Variants in DENND4B observed in about 807,000 individuals in gnomAD.
DENND4B encodes the protein DENN domain containing 4B.
A neutral mutation model predicts 161.0 loss-of-function variants in DENND4B; 67 were observed. That is an observed-to-expected ratio of 0.42 (90% CI 0.34 to 0.51). The LOEUF is 0.51. DENND4B is among the 20% of genes least tolerant of loss of function. The probability of loss-of-function intolerance (pLI) is 0.08; values close to 1 mark genes in which losing one functional copy is unlikely to be tolerated. For missense variants in DENND4B, 1,481 were observed against 1,968.0 expected (o/e 0.75, Z 4.68); for synonymous variants, 753 against 813.8 (o/e 0.93, Z 1.27).
Position 153,934,123 on chromosome 1 carries a change from A to G in DENND4B, c.2941+12T>C, listed in dbSNP as rs569224211. 7.8e-6 allele frequency: 12 copies of G among 1,547,922 alleles called. No homozygotes were observed. In the East Asian group the frequency reaches 1.6e-4, roughly 21 times the overall value. Reference sequence around the variant, plus strand: ...GACTGGGGGAGTGAGGGAGCCAGACAAGGGCACTCACTGTGGGCCACACCG... The same window carrying G: ...GACTGGGGGAGTGAGGGAGCCAGACGAGGGCACTCACTGTGGGCCACACCG... On this transcript the variant is annotated intron_variant, in intron 19 of 27. Coordinates refer to ENST00000361217, the MANE Select transcript of DENND4B (RefSeq NM_014856.3). This position sits in a 1 kb window ranked among gnomAD's most constrained non-coding sequence, Gnocchi z 5.3.
At position 153,934,608 on chromosome 1, in the gene DENND4B, AT is replaced by A; in HGVS notation, c.2773+151del. On this transcript the variant is annotated intron_variant, in intron 18 of 27. Transcript: ENST00000361217. This position sits in a 1 kb window ranked among gnomAD's most constrained non-coding sequence, Gnocchi z 5.3. ...AGGTGCGCGCCACCACGCCCAGCTA[AT>A]TTTTTTATCCCTTTTGTTACCAGTC... The A allele has an allele frequency of 2.9e-6, 4 of 1,369,380 alleles. No homozygotes were observed. Among genetic ancestry groups the A allele is most frequent in the Non-Finnish European group, 1.9e-6 (2 of 1,027,666 alleles). The allele number at this position is 1,369,380 out of a possible 1,614,324, so 84.8% of individuals were successfully genotyped here. A position where few individuals can be genotyped will look rare whatever the true frequency, so the allele number is the denominator to read the frequency against.
In DENND4B at chr1:153,936,772, A is replaced by G. The variant is rs1174688766; in HGVS notation, c.2233-24T>C. 1.3e-6 allele frequency: 2 copies of G among 1,535,532 alleles called. No homozygotes were observed. The highest frequency in any genetic ancestry group is 1.8e-6 in the Non-Finnish European group (2 of 1,138,412). Reference sequence around the variant, plus strand: ...TCCTAGGTAGGACAGGGGACACATCAGGGTGAGTACAATGCCAGGTCTTTC... The same window carrying G: ...TCCTAGGTAGGACAGGGGACACATCGGGGTGAGTACAATGCCAGGTCTTTC... On this transcript the variant is annotated intron_variant, in intron 15 of 27. Coordinates refer to ENST00000361217, the MANE Select transcript of DENND4B (RefSeq NM_014856.3). This position sits in a 1 kb window ranked among gnomAD's most constrained non-coding sequence, Gnocchi z 4.1.
chr1:153,934,817 GC>G lies in DENND4B; in HGVS notation c.2715del (p.Gln905HisfsTer44). ...QQQQQQQQQQ[Q>X]QQQQQEQVSA... ...GACACCTGCTCCTGCTGCTGCTGCT[GC>G]TGCTGCTGCTGTTGCTGCTGCTGCT... On this transcript the variant is annotated frameshift_variant, in exon 18 of 28. Transcript: ENST00000361217. LOFTEE classifies it high-confidence loss of function. The surrounding 1 kb of genome is among the most constrained non-coding windows in gnomAD (Gnocchi z 5.3). 6.4e-7 allele frequency: 1 copy of G among 1,558,972 alleles called. No individual in the cohort carries two copies.
At chr1:153,941,077 G>T in intron 8 of DENND4B, 29 bp from the exon 9 acceptor site, 1 of 1,554,394 alleles carries the variant, frequency 6.4e-7, no homozygotes, top group Non-Finnish European at 8.7e-7. Flanking sequence ...TGGGGAAAGG[G>T]TCACCAGGAT....
rs1338856030 is a variant in DENND4B, at chr1:153,941,907, G to A, written c.1017C>T (p.Arg339=). The stretch of plus-strand genomic sequence containing the variant: ...GGCGGTGGGGGCCTGAGACGGAGTA[G>A]CGGTAAAGGAAGGTGAGGAAGGCGC... The part of the protein sequence containing the change: ...AFRAFLTFLY[R]YSVSGPHRLP... The change falls in exon 6 of 28, where the codon CGC becomes CGT. Residue 339 remains arginine (R), a synonymous_variant. Transcript: ENST00000361217. 1 of 1,612,330 alleles carries A rather than the reference G, an allele frequency of 6.2e-7. No individual in the cohort carries two copies.
rs1384937861 is a variant in DENND4B at position 153,936,551 on chromosome 1, G to A, written c.2430C>T (p.Leu810=). The change falls in exon 16 of 28, where the codon CTC becomes CTT. Residue 810 remains leucine, a synonymous_variant. Coordinates refer to ENST00000361217, the MANE Select transcript of DENND4B (RefSeq NM_014856.3). This position sits in a 1 kb window ranked among gnomAD's most constrained non-coding sequence, Gnocchi z 4.1. The part of the protein sequence containing the change: ...LRQMESGKVV[L]PDEVCYRVLM... ...CACATAGATTGCCTACCTCATCAGG[G>A]AGCACCACCTTGCCGCTCTCCATCT... The A allele has an allele frequency of 6.3e-7, 1 of 1,597,820 alleles. No individual in the cohort carries two copies. Among genetic ancestry groups the A allele is most frequent in the Non-Finnish European group, 8.5e-7 (1 of 1,169,916 alleles).
Position 153,930,120 on chromosome 1 carries a change from A to C in DENND4B, c.*177T>G. 4 of 843,656 alleles carry C rather than the reference A, an allele frequency of 4.7e-6. No individual in the cohort carries two copies. The highest frequency in any genetic ancestry group is 7.1e-6 in the Non-Finnish European group (4 of 561,906). 52.3% of individuals were successfully genotyped at this position (843,656 alleles called of 1,614,324 possible). On this transcript the variant is annotated 3_prime_UTR_variant, in exon 28 of 28. Transcript: ENST00000361217. This position sits in a 1 kb window ranked among gnomAD's most constrained non-coding sequence, Gnocchi z 4.7. ...AACTGGGTAGGTTGGTGATGGGGGA[A>C]TCAGGACTTTTGGTAACAGTGGATC...
Position 153,942,415 on chromosome 1 carries a change from G to C in DENND4B, c.641-59C>G. On this transcript the variant is annotated intron_variant, in intron 4 of 27. Transcript: ENST00000361217. This position sits in a 1 kb window ranked among gnomAD's most constrained non-coding sequence, Gnocchi z 6.9. ...GGAGCAGGGTCCATCAGACTCCAAG[G>C]GAAATGAACCAAGGGATCCCAGAGA... is the stretch of plus-strand genomic sequence containing the variant. The C allele has an allele frequency of 6.3e-7, 1 of 1,589,084 alleles. No homozygotes were observed. The highest frequency in any genetic ancestry group is 8.6e-7 in the Non-Finnish European group (1 of 1,167,666).
chr1:153,934,719 G>A lies in DENND4B; in HGVS notation c.2773+41C>T. ...CTATGCCTTTCCCTGCCTGAGCCCAGCTACTCCATCCCCAAGCCTGTCTCA... is the reference window on the plus strand; with the variant it reads ...CTATGCCTTTCCCTGCCTGAGCCCAACTACTCCATCCCCAAGCCTGTCTCA... On this transcript the variant is annotated intron_variant, in intron 18 of 27. Coordinates refer to ENST00000361217, the MANE Select transcript of DENND4B (RefSeq NM_014856.3). This position sits in a 1 kb window ranked among gnomAD's most constrained non-coding sequence, Gnocchi z 5.3. 1 of 1,580,782 alleles carries A rather than the reference G, an allele frequency of 6.3e-7. No individual in the cohort carries two copies. The highest frequency in any genetic ancestry group is 8.6e-7 in the Non-Finnish European group (1 of 1,165,106).
Position 153,930,426 on chromosome 1 carries a change from C to A in DENND4B, c.4362G>T (p.Lys1454Asn). The A allele has an allele frequency of 1.2e-6, 2 of 1,613,970 alleles. No individual in the cohort carries two copies. Among genetic ancestry groups the A allele is most frequent in the Non-Finnish European group, 1.7e-6 (2 of 1,179,854 alleles). The stretch of plus-strand genomic sequence containing the variant: ...CCAGCTTGTTAAAGGCAGACTTGTA[C>A]TTCTTATCGAAGGCCACTAGGGAAG... ...DHVDIVAFDK[K>N]YKSAFNKLAS... is the part of the protein sequence containing the mutation. Residue 1454 changes from lysine (K) to asparagine (N), a missense_variant, in exon 28 of 28, where the codon AAG (lysine) becomes AAT (asparagine). Physicochemically the swap from Lys to Asn is moderately conservative, Grantham distance 94. Coordinates refer to ENST00000361217, the MANE Select transcript of DENND4B (RefSeq NM_014856.3). This position sits in a 1 kb window ranked among gnomAD's most constrained non-coding sequence, Gnocchi z 4.7.
chr1:153,936,040 C>G lies in DENND4B; in HGVS notation c.2568+20G>C, dbSNP rs370118932. Reference sequence around the variant, plus strand: ...ACCCTGGCACAGCTGCCATCCCACCCCTCACCCCAAAGTAGGTACCTTATT... The same window carrying G: ...ACCCTGGCACAGCTGCCATCCCACCGCTCACCCCAAAGTAGGTACCTTATT... On this transcript the variant is annotated intron_variant, in intron 17 of 27. Coordinates refer to ENST00000361217, the MANE Select transcript of DENND4B (RefSeq NM_014856.3). This position sits in a 1 kb window ranked among gnomAD's most constrained non-coding sequence, Gnocchi z 4.1. 10 of 1,611,978 alleles carry G rather than the reference C, an allele frequency of 6.2e-6. No individual in the cohort carries two copies. The South Asian group carries it at 1.1e-4, about 18-fold the overall frequency.
chr1:153,930,752 T>C lies in DENND4B; in HGVS notation c.4220A>G (p.Lys1407Arg). The C allele has an allele frequency of 6.2e-7, 1 of 1,611,048 alleles. No homozygotes were observed. The highest frequency in any genetic ancestry group is 8.5e-7 in the Non-Finnish European group (1 of 1,178,576). The part of the protein sequence containing the change: ...LRHVGLNEVH[K>R]AVGLLLETLG... Reference sequence around the variant, plus strand: ...AGTTTCCAGCAGGAGCCCCACAGCCTTGTGCACTTCATTGAGTCCAACATG... The same window carrying C: ...AGTTTCCAGCAGGAGCCCCACAGCCCTGTGCACTTCATTGAGTCCAACATG... Residue 1407 changes from lysine to arginine, a missense_variant, in exon 26 of 28, where the codon AAG becomes AGG. Physicochemically the swap from Lys to Arg is conservative, Grantham distance 26. Around this residue, in one of 3 missense-constraint regions of DENND4B, gnomAD observed 336 missense variants for 503.3 expected, o/e 0.67. Transcript: ENST00000361217. The surrounding 1 kb of genome is among the most constrained non-coding windows in gnomAD (Gnocchi z 4.7).
Position 153,939,658 on chromosome 1 carries a change from A to G in DENND4B, c.1750T>C (p.Phe584Leu). Residue 584 changes from phenylalanine (F) to leucine (L), a missense_variant, in exon 12 of 28, where the codon TTC (phenylalanine) becomes CTC (leucine). Transcript: ENST00000361217. ...GGGGCCTGGGTGAGTGGGCGCAGGAAGACCCGGTAGCCCTTGAGCAGACAG... is the reference window on the plus strand; with the variant it reads ...GGGGCCTGGGTGAGTGGGCGCAGGAGGACCCGGTAGCCCTTGAGCAGACAG... ...MACLLKGYRVFLRPLTQAPSE... is the reference protein window; with the variant it reads ...MACLLKGYRVLLRPLTQAPSE... 3.7e-6 allele frequency: 6 copies of G among 1,613,864 alleles called. No homozygotes were observed. Among genetic ancestry groups the G allele is most frequent in the Non-Finnish European group, 5.1e-6 (6 of 1,179,828 alleles).
chr1:153,932,792 C>G lies in DENND4B; in HGVS notation c.3624-15G>C, dbSNP rs775535143. ...GGCTGGGGACACTGCAGGGGGATAG[C>G]AGCAGGGGTCAGCTTTTGGACCTTC... On this transcript the variant is annotated splice_polypyrimidine_tract_variant and intron_variant, in intron 22 of 27. Transcript: ENST00000361217. The surrounding 1 kb of genome is among the most constrained non-coding windows in gnomAD (Gnocchi z 5.8). 1.2e-6 allele frequency: 2 copies of G among 1,613,578 alleles called. No individual in the cohort carries two copies.
In DENND4B at chr1:153,940,264, A is replaced by G; in HGVS notation, c.1503-8T>C. Reference sequence around the variant, plus strand: ...AGCTTCTTTTCCTCAGTCCTGTGAGAAAAGCATAAGGGGAAAGAGTGGCGA... The same window carrying G: ...AGCTTCTTTTCCTCAGTCCTGTGAGGAAAGCATAAGGGGAAAGAGTGGCGA... On this transcript the variant is annotated splice_region_variant and splice_polypyrimidine_tract_variant and intron_variant, in intron 10 of 27. Coordinates refer to ENST00000361217, the MANE Select transcript of DENND4B (RefSeq NM_014856.3). This position sits in a 1 kb window ranked among gnomAD's most constrained non-coding sequence, Gnocchi z 5.6. 1 of 1,590,944 alleles carries G rather than the reference A, an allele frequency of 6.3e-7. No individual in the cohort carries two copies. The highest frequency in any genetic ancestry group is 1.8e-5 in the Admixed American group (1 of 55,944).
chr1:153,933,923 T>C lies in DENND4B; in HGVS notation c.2942-52A>G. The C allele has an allele frequency of 6.3e-7, 1 of 1,580,250 alleles. No homozygotes were observed. The highest frequency in any genetic ancestry group is 2.1e-5 in the Admixed American group (1 of 47,900). On this transcript the variant is annotated intron_variant, in intron 19 of 27. Coordinates refer to ENST00000361217, the MANE Select transcript of DENND4B (RefSeq NM_014856.3). The surrounding 1 kb of genome is among the most constrained non-coding windows in gnomAD (Gnocchi z 5.7). ...GATGGACCCCAGCCTCTGCACCAAC[T>C]TCCCCTTTCCTGAATAAACACAATT...
intron 24 of DENND4B, among the ~76,000 whole-genome samples, chr1:153,931,862 G>A (rs11264619): frequency 0.27 from 40,033 of 149,808 alleles, 5,944 homozygotes; most frequent in Admixed American, 0.38. Context: ...GGAGGGCAAT[G>A]GCGCGATCTC....
Position 153,934,224 on chromosome 1 carries a change from G to A in DENND4B, c.2852C>T (p.Pro951Leu). ...CACCAGGCGTCCAGGGGGTGAGGCT[G>A]GGTCTCTCAGACTTCGCCCAGCCCA... ...TTWAGRSLRD[P>L]ASPPGRLVKS... Residue 951 changes from proline to leucine, a missense_variant, in exon 19 of 28, where the codon CCA becomes CTA. This residue lies in a region of DENND4B where 339 missense variants were observed against 330.3 expected (regional missense o/e 1.03). Transcript: ENST00000361217. The surrounding 1 kb of genome is among the most constrained non-coding windows in gnomAD (Gnocchi z 5.3). The A allele has an allele frequency of 1.2e-6, 2 of 1,604,340 alleles. No homozygotes were observed. The highest frequency in any genetic ancestry group is 1.7e-6 in the Non-Finnish European group (2 of 1,176,030).
rs371791830 is a variant in DENND4B, at chr1:153,940,308, C to T, written c.1503-52G>A. The stretch of plus-strand genomic sequence containing the variant: ...GTGGCGAGGCTCTGGGATAGGGTGA[C>T]GGGGTTCCTTGCCAGCCTCCCTCAC... On this transcript the variant is annotated intron_variant, in intron 10 of 27. Transcript: ENST00000361217. The surrounding 1 kb of genome is among the most constrained non-coding windows in gnomAD (Gnocchi z 5.6). The T allele has an allele frequency of 1.6e-5, 25 of 1,566,522 alleles. No homozygotes were observed. The highest frequency in any genetic ancestry group is 7.2e-5 in the Admixed American group (4 of 55,770).
Sources: allele counts gnomAD v4.1 joint callset (sites outside exome capture counted in the v4.1 genomes callset), GRCh38; gene constraint gnomAD v4.1.1; regional missense constraint gnomAD v4.1.1; non-coding constraint Gnocchi (gnomAD v3.1); transcripts MANE v1.5; gene names NCBI Gene and HGNC (gene_info 2026-07-23, HGNC 2026-07-21).